The following COL11A1 variants were observed in gnomAD, a reference collection of about 807,000 sequenced individuals.
The protein encoded by COL11A1 is collagen alpha-1(XI) chain.
A neutral mutation model predicts 265.2 loss-of-function variants in COL11A1; 74 were observed. The ratio of observed to expected loss-of-function variants is 0.28; its 90% confidence interval spans 0.23 to 0.34. COL11A1 has a LOEUF of 0.34. Among genes scored for constraint, COL11A1 ranks in the 10% least tolerant of loss-of-function variants. The pLI is 1.00. For synonymous variants in COL11A1, 816 were observed against 727.6 expected (o/e 1.12, Z -1.96); for missense variants, 2,165 against 2,263.6 (o/e 0.96, Z 0.88).
intron 1 of COL11A1, among the ~76,000 whole-genome samples, chr1:103,092,787 C>G (rs1558048459): frequency 6.6e-6 from 1 of 151,966 alleles, no homozygotes; most frequent in Non-Finnish European, 1.5e-5. Flanking sequence ...TGAAAAGCAC[C>G]AGGGAACCTA....
At chr1:102,936,954 C>G (rs1658207659) in intron 44 of COL11A1, among the ~76,000 whole-genome samples, 1 of 151,964 alleles carries the variant, frequency 6.6e-6, no homozygotes, top group Non-Finnish European at 1.5e-5. Context: ...TTCATGCTTT[C>G]AACCAAAAAA....
At chr1:102,982,254 TA>T (rs1388757696) in intron 31 of COL11A1, among the ~76,000 whole-genome samples, 1 of 151,964 alleles carries the variant, frequency 6.6e-6, no homozygotes, top group Non-Finnish European at 1.5e-5. Flanking sequence ...ATTTTGTTAA[TA>T]AAAACAATTC....
intron 1 of COL11A1, among the ~76,000 whole-genome samples, chr1:103,098,488 G>A (rs1239547867): frequency 1.3e-5 from 2 of 151,688 alleles, no homozygotes; most frequent in African/African-American, 4.8e-5. Context: ...AATTTCCAGC[G>A]TTAGGATTGG....
chr1:102,918,962 AG>A (rs1289100778), intron 49 of COL11A1, among the ~76,000 whole-genome samples: 2 of 152,050 alleles, frequency 1.3e-5, no homozygotes, highest in Non-Finnish European at 2.9e-5. Flanking sequence ...CCTAGAGACT[AG>A]CTCCCACAAC....
intron 4 of COL11A1, among the ~76,000 whole-genome samples, chr1:103,043,332 T>C (rs750055276): frequency 6.6e-6 from 1 of 151,674 alleles, no homozygotes; most frequent in Non-Finnish European, 1.5e-5. Context: ...GTGTGTCACA[T>C]GTCAGGAAGG....
chr1:103,020,303 T>A (rs1408209220), intron 9 of COL11A1, among the ~76,000 whole-genome samples: 23 of 135,638 alleles, frequency 1.7e-4, no homozygotes, highest in African/African-American at 6.0e-4. Context: ...AGATGGTATC[T>A]CATTGTGGTT....
intron 13 of COL11A1, 85 bp from the exon 14 acceptor site, chr1:103,012,554 T>G: frequency 1.0e-6 from 1 of 971,548 alleles, no homozygotes; most frequent in Non-Finnish European, 1.6e-6. Context: ...AAGCTGCCCT[T>G]AAGTAATACA....
intron 56 of COL11A1, 84 bp downstream of exon 56, chr1:102,898,582 G>T: frequency 1.0e-6 from 1 of 980,172 alleles, no homozygotes. Context: ...ATGAAATAAT[G>T]CTAACATAGA....
At chr1:103,051,693 G>A (rs908006803) in intron 4 of COL11A1, among the ~76,000 whole-genome samples, 5 of 152,146 alleles carry the variant, frequency 3.3e-5, no homozygotes, top group Non-Finnish European at 5.9e-5. Flanking sequence ...CTTCTGCATC[G>A]CTCACGCTGG....
intron 46 of COL11A1, among the ~76,000 whole-genome samples, chr1:102,925,288 A>G (rs1656471326): frequency 1.3e-5 from 2 of 151,910 alleles, no homozygotes; most frequent in Non-Finnish European, 2.9e-5. Context: ...AGCCTTTGAT[A>G]TTTTCATTCT....
chr1:103,060,692 C>T (rs377560098), intron 4 of COL11A1, among the ~76,000 whole-genome samples: 15 of 151,988 alleles, frequency 9.9e-5, no homozygotes, highest in Admixed American at 3.9e-4. Flanking sequence ...CCAGGTGAGG[C>T]GGCACATGCA....
chr1:102,903,881 G>C (rs922446023), intron 54 of COL11A1, among the ~76,000 whole-genome samples: 28 of 152,054 alleles, frequency 1.8e-4, no homozygotes, highest in Admixed American at 9.2e-4. Context: ...TCTTCTTTTC[G>C]ACACAGGGTC....
At chr1:102,924,439 T>C (rs1482984454) in intron 46 of COL11A1, among the ~76,000 whole-genome samples, 1 of 152,232 alleles carries the variant, frequency 6.6e-6, no homozygotes, top group Non-Finnish European at 1.5e-5. Flanking sequence ...TCCTCTTTCA[T>C]GTCACAACAA....
chr1:103,085,604 T>C (rs1282911067), intron 1 of COL11A1, among the ~76,000 whole-genome samples: 11 of 152,190 alleles, frequency 7.2e-5, no homozygotes, highest in Non-Finnish European at 1.5e-5. Context: ...GCTTGACTTA[T>C]ATTCTATTGG....
chr1:102,928,111 T>C (rs903815550), intron 46 of COL11A1, among the ~76,000 whole-genome samples: 10 of 152,074 alleles, frequency 6.6e-5, no homozygotes, highest in African/African-American at 2.2e-4. Flanking sequence ...ACTTTTTTTT[T>C]TATTATACTT....
chr1:103,053,704 G>C (rs1670012069), intron 4 of COL11A1, among the ~76,000 whole-genome samples: 1 of 152,168 alleles, frequency 6.6e-6, no homozygotes, highest in Non-Finnish European at 1.5e-5. Flanking sequence ...GTGGTCAGTA[G>C]TGGAACTTAA....
intron 1 of COL11A1, among the ~76,000 whole-genome samples, chr1:103,083,405 T>C (rs1382176159): frequency 6.8e-6 from 1 of 147,666 alleles, no homozygotes; most frequent in East Asian, 2.0e-4. Flanking sequence ...AGAATTAAAG[T>C]GAAAGCCAGC....
At chr1:102,927,372 G>C (rs1290949192) in intron 46 of COL11A1, among the ~76,000 whole-genome samples, 1 of 152,062 alleles carries the variant, frequency 6.6e-6, no homozygotes, top group Non-Finnish European at 1.5e-5. Flanking sequence ...AAAGCTCAAC[G>C]TTTCCAAGGT....
chr1:102,916,921 T>C (rs1388663574), intron 49 of COL11A1, among the ~76,000 whole-genome samples: 11 of 151,970 alleles, frequency 7.2e-5, no homozygotes, highest in Admixed American at 7.2e-4. Context: ...CTGATATTCA[T>C]ATCTTAAAAA....
Sources: allele counts gnomAD v4.1 joint callset (sites outside exome capture counted in the v4.1 genomes callset), GRCh38; gene constraint gnomAD v4.1.1; transcripts MANE v1.5; gene names NCBI Gene and HGNC (gene_info 2026-07-23, HGNC 2026-07-21).